Variants in PEX7 observed in about 807,000 individuals in gnomAD.
PEX7 encodes the protein PTS2 receptor.
In PEX7, 34 loss-of-function variants were observed where a neutral mutation model predicts 47.5. The ratio of observed to expected loss-of-function variants is 0.72; its 90% CI spans 0.54 to 0.95. The LOEUF is 0.95. PEX7 is among the 40% of genes least tolerant of loss of function. The pLI, the probability that PEX7 is intolerant of heterozygous loss-of-function variation, is 0.00. For synonymous variants in PEX7, 141 were observed against 148.8 expected (o/e 0.95, Z 0.38); for missense variants, 394 against 400.3 (o/e 0.98, Z 0.13).
At chr6:136,874,514 A>G (rs963952011) in intron 8 of PEX7, among the ~76,000 whole-genome samples, 3 of 151,912 alleles carry the variant, frequency 2.0e-5, no homozygotes, top group Middle Eastern at 3.2e-3. Context: ...TCTACTAAAA[A>G]TAGAAAAATT....
chr6:136,826,441 T>C lies in PEX7; in HGVS notation c.311T>C (p.Leu104Pro). 6.2e-7 allele frequency: 1 copy of C among 1,614,014 alleles called. No individual in the cohort carries two copies. The highest frequency in any genetic ancestry group is 8.5e-7 in the Non-Finnish European group (1 of 1,179,998). The part of the protein sequence containing the change: ...LWDTAKAAGP[L>P]QVYKEHAQEV... ...GACACTGCCAAAGCTGCAGGGCCAC[T>C]GCAAGTCTATAAAGAACACGCTCAG... is the stretch of plus-strand genomic sequence containing the variant. The change falls in exon 3 of 10, where the codon CTG (leucine) becomes CCG (proline). Residue 104 changes from leucine (L) to proline (P), a missense_variant. Transcript: ENST00000318471.
rs1416044708 is a variant in PEX7 at position 136,823,174 on chromosome 6, C to T, written c.130+379C>T. 6.1e-6 allele frequency: 6 copies of T among 985,276 alleles called. No homozygotes were observed. In the Admixed American group the frequency reaches 3.7e-4, roughly 61 times the overall value. 61.0% of individuals were successfully genotyped at this position (985,276 alleles called of 1,614,324 possible). A position where few individuals can be genotyped will look rare whatever the true frequency, so the allele number is the denominator to read the frequency against. On this transcript the variant is annotated intron_variant, in intron 1 of 9. Transcript: ENST00000318471. ...GCTCGGCACAGCAGTACGGGGAAGA[C>T]GGTCTGAGCCAGAACCGACCCAGGG...
intron 5 of PEX7, among the ~76,000 whole-genome samples, chr6:136,862,211 C>T (rs1344706177): frequency 4.0e-5 from 6 of 149,272 alleles, no homozygotes; most frequent in African/African-American, 4.9e-5. Flanking sequence ...GGATTACAGG[C>T]GTGTGCCACC....
chr6:136,846,555 C>G (rs565244005), intron 5 of PEX7, among the ~76,000 whole-genome samples: 2 of 152,026 alleles, frequency 1.3e-5, no homozygotes, highest in African/African-American at 4.8e-5. Flanking sequence ...CAAGTGTTCT[C>G]ATTGTTCACT....
intron 1 of PEX7, chr6:136,823,122 A>G: frequency 2.0e-6 from 2 of 985,276 alleles, no homozygotes; most frequent in South Asian, 9.4e-5. Flanking sequence ...GAGCCGGGGG[A>G]GCCTGCGCGG....
chr6:136,822,894 G>A, intron 1 of PEX7, 99 bp downstream of exon 1: 2 of 1,217,844 alleles, frequency 1.6e-6, no homozygotes, highest in South Asian at 7.1e-5. Context: ...CCCTCTGAGC[G>A]TAGACGGTTC....
intron 9 of PEX7, among the ~76,000 whole-genome samples, chr6:136,905,633 T>TTAC: frequency 6.6e-6 from 1 of 152,236 alleles, no homozygotes; most frequent in South Asian, 2.1e-4. Context: ...CTCTTCTTCC[T>TTAC]TACCTCTTTG....
intron 9 of PEX7, among the ~76,000 whole-genome samples, chr6:136,904,994 G>A (rs917439547): frequency 3.3e-5 from 5 of 152,034 alleles, no homozygotes; most frequent in African/African-American, 1.2e-4. Context: ...TGGGCTCTTG[G>A]TCCTACTCAA....
At chr6:136,893,461 T>A (rs1775592233) in intron 8 of PEX7, among the ~76,000 whole-genome samples, 1 of 152,204 alleles carries the variant, frequency 6.6e-6, no homozygotes, top group Non-Finnish European at 1.5e-5. Context: ...CATTGTCTTT[T>A]GGGGCACTTG....
At chr6:136,827,040 C>A (rs1405307515) in intron 3 of PEX7, among the ~76,000 whole-genome samples, 3 of 152,162 alleles carry the variant, frequency 2.0e-5, no homozygotes, top group Admixed American at 2.0e-4. Flanking sequence ...TTTCAGTGAA[C>A]ATAAAGACAT....
chr6:136,830,567 C>T (rs1425278494), intron 3 of PEX7, among the ~76,000 whole-genome samples: 1 of 152,126 alleles, frequency 6.6e-6, no homozygotes, highest in East Asian at 1.9e-4. Flanking sequence ...GTCATTATGT[C>T]TTTTGAGTCC....
chr6:136,870,830 G>A, intron 7 of PEX7: 1 of 332,516 alleles, frequency 3.0e-6, no homozygotes, highest in South Asian at 2.2e-5. Flanking sequence ...CTGAGTAGCT[G>A]GGACTACAGG....
rs1471663509 is a variant in PEX7, at chr6:136,822,624, C to T, written c.-42C>T. The stretch of plus-strand genomic sequence containing the variant: ...CCAGTGTGCCTCCGACTCGGAACGG[C>T]TTCCGCGGCCGGGGCAGCGAGGGCC... On this transcript the variant is annotated 5_prime_UTR_variant, in exon 1 of 10. Transcript: ENST00000318471. The T allele has an allele frequency of 4.6e-6, 7 of 1,515,780 alleles. No individual in the cohort carries two copies. Among genetic ancestry groups the T allele is most frequent in the African/African-American group, 1.4e-5 (1 of 71,766 alleles). The allele number at this position is 1,515,780 out of a possible 1,614,324, so 93.9% of individuals were successfully genotyped here. A position where few individuals can be genotyped will look rare whatever the true frequency, so the allele number is the denominator to read the frequency against.
At chr6:136,867,462 A>G (rs1400906561) in intron 6 of PEX7, among the ~76,000 whole-genome samples, 2 of 152,090 alleles carry the variant, frequency 1.3e-5, no homozygotes, top group African/African-American at 4.8e-5. Flanking sequence ...TCCTAAACTA[A>G]TATGTGTGCG....
intron 6 of PEX7, among the ~76,000 whole-genome samples, chr6:136,868,170 G>A (rs1582758816): frequency 6.6e-6 from 1 of 152,312 alleles, no homozygotes; most frequent in Non-Finnish European, 1.5e-5. Flanking sequence ...GCCTGGGTGT[G>A]TACTAGGCTG....
chr6:136,872,319 A>G (rs2115229346), intron 8 of PEX7, 66 bp downstream of exon 8: 1 of 1,163,198 alleles, frequency 8.6e-7, no homozygotes, highest in Non-Finnish European at 1.3e-6. Context: ...TGCAACTTTT[A>G]TAAGAGATAA....
At chr6:136,884,119 A>G (rs1296707531) in intron 8 of PEX7, among the ~76,000 whole-genome samples, 1 of 152,166 alleles carries the variant, frequency 6.6e-6, no homozygotes, top group African/African-American at 2.4e-5. Context: ...TTTTGACTAT[A>G]TTACATGTAT....
intron 3 of PEX7, among the ~76,000 whole-genome samples, chr6:136,841,153 G>T (rs894969771): frequency 6.6e-6 from 1 of 152,176 alleles, no homozygotes; most frequent in Non-Finnish European, 1.5e-5. Context: ...TGAATTGATT[G>T]AAGTTGGGAT....
chr6:136,857,263 T>C (rs1033847671), intron 5 of PEX7, among the ~76,000 whole-genome samples: 2 of 152,262 alleles, frequency 1.3e-5, no homozygotes, highest in African/African-American at 4.8e-5. Flanking sequence ...CACTTGTGTA[T>C]TCTTTTACAT....
Sources: allele counts gnomAD v4.1 joint callset (sites outside exome capture counted in the v4.1 genomes callset), GRCh38; gene constraint gnomAD v4.1.1; transcripts MANE v1.5; gene names NCBI Gene and HGNC (gene_info 2026-07-23, HGNC 2026-07-21).